The following THSD7B variants were observed in gnomAD, a reference collection of about 807,000 sequenced individuals.
THSD7B encodes thrombospondin type-1 domain-containing protein 7B.
THSD7B carries 138 observed loss-of-function variants against 213.6 expected under a neutral mutation model. The ratio of observed to expected loss-of-function variants is 0.65; its 90% CI spans 0.56 to 0.74. THSD7B has a LOEUF of 0.74. THSD7B is among the 30% of genes least tolerant of loss of function. THSD7B has a pLI of 0.00. For missense variants in THSD7B, 1,931 were observed against 1,991.5 expected, an observed-to-expected ratio of 0.97 and a Z score of 0.58; for synonymous variants, 742 against 687.0, an observed-to-expected ratio of 1.08 and a Z score of -1.25.
At chr2:137,590,792 GTT>G (rs1215185747) in intron 17 of THSD7B, among the ~76,000 whole-genome samples, 6 of 88,704 alleles carry the variant, frequency 6.8e-5, no homozygotes, top group Admixed American at 1.3e-4. Context: ...CTTTGAAATA[GTT>G]TTTTTTTTTT....
At chr2:136,942,871 G>A (rs1450708749) in intron 2 of THSD7B, among the ~76,000 whole-genome samples, 1 of 152,188 alleles carries the variant, frequency 6.6e-6, no homozygotes, top group African/African-American at 2.4e-5. Flanking sequence ...GCCCTGGCCA[G>A]AACTTCCAAC....
chr2:137,526,279 A>G (rs552688364), intron 15 of THSD7B, among the ~76,000 whole-genome samples: 2 of 152,268 alleles, frequency 1.3e-5, no homozygotes, highest in African/African-American at 4.8e-5. Context: ...GACTTATTAT[A>G]TTAAGTCCAT....
chr2:137,426,988 C>T (rs562711587), intron 14 of THSD7B, among the ~76,000 whole-genome samples: 2 of 151,920 alleles, frequency 1.3e-5, no homozygotes, highest in South Asian at 2.1e-4. Flanking sequence ...GGCAAAGGAT[C>T]TTAGTAGACA....
At chr2:137,349,243 G>T (rs1275109783) in intron 12 of THSD7B, among the ~76,000 whole-genome samples, 1 of 151,574 alleles carries the variant, frequency 6.6e-6, no homozygotes, top group Non-Finnish European at 1.5e-5. Flanking sequence ...ACTTACTAAT[G>T]TTCCCTTTGG....
chr2:137,539,947 T>G (rs900792337), intron 15 of THSD7B, among the ~76,000 whole-genome samples: 3 of 151,722 alleles, frequency 2.0e-5, no homozygotes, highest in African/African-American at 2.4e-5. Flanking sequence ...TTAATTTAAC[T>G]TTACCCTAAA....
chr2:137,666,537 T>TC (rs66990282), intron 26 of THSD7B, among the ~76,000 whole-genome samples: 9,143 of 145,648 alleles, frequency 0.063, 410 homozygotes, highest in East Asian at 0.23. Context: ...TTGATTGATT[T>TC]CCCCCCCCCA....
At chr2:137,053,033 A>G (rs1030566014) in intron 2 of THSD7B, among the ~76,000 whole-genome samples, 2 of 152,142 alleles carry the variant, frequency 1.3e-5, no homozygotes, top group African/African-American at 2.4e-5. Flanking sequence ...CTGCCTTTCT[A>G]AATGTCCTGA....
rs1376227469 is a variant in THSD7B, at chr2:137,290,266, T to C, written c.2500+14240T>C. Among the ~76,000 whole-genome samples the C allele has an allele frequency of 6.6e-5, 10 of 152,156 alleles. No homozygotes were observed. The East Asian group carries it at 1.9e-3, about 29-fold the overall frequency. On this transcript the variant is annotated intron_variant, in intron 12 of 27. Coordinates refer to ENST00000409968, the MANE Select transcript of THSD7B (RefSeq NM_001316349.2). ...CACCATGCCCGGCTAATTTTTTGTATTTTTAGTAGAGAAAGGGTTTCACCG... is the reference window on the plus strand; with the variant it reads ...CACCATGCCCGGCTAATTTTTTGTACTTTTAGTAGAGAAAGGGTTTCACCG...
At chr2:137,019,221 C>A (rs1686397440) in intron 2 of THSD7B, among the ~76,000 whole-genome samples, 1 of 152,114 alleles carries the variant, frequency 6.6e-6, no homozygotes, top group Admixed American at 6.6e-5. Context: ...TTCTTAACAC[C>A]CTGCTAAGGA....
chr2:137,098,005 G>A (rs1688072200), intron 4 of THSD7B, among the ~76,000 whole-genome samples: 1 of 152,124 alleles, frequency 6.6e-6, no homozygotes, highest in Non-Finnish European at 1.5e-5. Flanking sequence ...TCTCTACCAT[G>A]GGAAAGCATA....
At chr2:137,271,430 A>C (rs1458015355) in intron 10 of THSD7B, among the ~76,000 whole-genome samples, 1 of 136,852 alleles carries the variant, frequency 7.3e-6, no homozygotes, top group South Asian at 2.2e-4. Flanking sequence ...TAATTATATA[A>C]TATATATAAT....
At chr2:137,051,938 C>G (rs993479379) in intron 2 of THSD7B, among the ~76,000 whole-genome samples, 3 of 152,144 alleles carry the variant, frequency 2.0e-5, no homozygotes, top group African/African-American at 7.2e-5. Context: ...TTGGGTGATG[C>G]ATGCCCCCAA....
At chr2:137,360,969 CT>C (rs1467319288) in intron 12 of THSD7B, among the ~76,000 whole-genome samples, 1 of 152,156 alleles carries the variant, frequency 6.6e-6, no homozygotes, top group Admixed American at 6.5e-5. Flanking sequence ...CGACTGATAC[CT>C]CATACAGCTG....
chr2:137,397,429 A>G (rs930064712), intron 12 of THSD7B, among the ~76,000 whole-genome samples: 2 of 152,032 alleles, frequency 1.3e-5, no homozygotes, highest in Non-Finnish European at 2.9e-5. Flanking sequence ...TAGGAAGCTT[A>G]GTTTGGCTGG....
At chr2:137,560,588 G>A (rs1387509100) in intron 15 of THSD7B, among the ~76,000 whole-genome samples, 2 of 152,118 alleles carry the variant, frequency 1.3e-5, no homozygotes, top group South Asian at 2.1e-4. Context: ...GAGAGGGATA[G>A]CATTAGGACA....
At chr2:137,139,077 A>G (rs1392025487) in intron 5 of THSD7B, among the ~76,000 whole-genome samples, 1 of 151,978 alleles carries the variant, frequency 6.6e-6, no homozygotes, top group African/African-American at 2.4e-5. Context: ...CAGTCATTCC[A>G]TTTTTCAATT....
At chr2:137,471,915 C>T (rs1245980753) in intron 15 of THSD7B, among the ~76,000 whole-genome samples, 1 of 152,126 alleles carries the variant, frequency 6.6e-6, no homozygotes, top group Non-Finnish European at 1.5e-5. Context: ...CTTACGGTTG[C>T]TTCAAGATGA....
chr2:137,057,262 A>T (rs762940792), intron 3 of THSD7B, 32 bp downstream of exon 3: 44 of 1,520,856 alleles, frequency 2.9e-5, no homozygotes, highest in Non-Finnish European at 3.2e-5. Context: ...AATTTGATTC[A>T]CCTAAAATAT....
At chr2:137,500,720 G>C (rs1679683102) in intron 15 of THSD7B, among the ~76,000 whole-genome samples, 1 of 152,156 alleles carries the variant, frequency 6.6e-6, no homozygotes, top group South Asian at 2.1e-4. Flanking sequence ...CTGACATCCA[G>C]TAAGCACTCA....
Sources: gnomAD v4.1 joint callset for allele counts (sites outside exome capture counted in the v4.1 genomes callset) on GRCh38, gnomAD v4.1.1 for gene constraint, MANE v1.5 for transcripts, NCBI Gene and HGNC (gene_info 2026-07-23, HGNC 2026-07-21) for gene names.